RYR2: variants seen among roughly 807,000 people sequenced by gnomAD.
The protein encoded by RYR2 is ryanodine receptor 2.
Under a neutral mutation model 601.1 loss-of-function variants are expected in RYR2, and 227 were observed. That is an observed-to-expected ratio of 0.38 (90% CI 0.34 to 0.42). The LOEUF is 0.42. Ranked by LOEUF, RYR2 falls within the 10% of genes least tolerant of loss-of-function variation. The probability of loss-of-function intolerance (pLI) is 1.00; values close to 1 mark genes in which losing one functional copy is unlikely to be tolerated. For missense variants in RYR2, 4,646 were observed against 6,156.5 expected, an observed-to-expected ratio of 0.75 and a Z score of 8.21; for synonymous variants, 2,223 against 2,175.1, an observed-to-expected ratio of 1.02 and a Z score of -0.61.
chr1:237,527,605 A>G (rs1667721920), intron 24 of RYR2, among the ~76,000 whole-genome samples: 1 of 152,038 alleles, frequency 6.6e-6, no homozygotes, highest in Non-Finnish European at 1.5e-5. Flanking sequence ...TTATTCACCT[A>G]CCTGAAATAT....
intron 1 of RYR2, among the ~76,000 whole-genome samples, chr1:237,047,592 T>C (rs1379350009): frequency 6.6e-6 from 1 of 152,118 alleles, no homozygotes; most frequent in African/African-American, 2.4e-5. Flanking sequence ...CAATTTACTT[T>C]CCAGGATGTT....
chr1:237,687,707 A>C (rs1686556761), intron 63 of RYR2, among the ~76,000 whole-genome samples: 1 of 152,088 alleles, frequency 6.6e-6, no homozygotes, highest in Admixed American at 6.5e-5. Flanking sequence ...TCTTTTTTAC[A>C]CTAGTCCAAA....
At chr1:237,234,369 T>C (rs1685325051) in intron 1 of RYR2, among the ~76,000 whole-genome samples, 1 of 152,154 alleles carries the variant, frequency 6.6e-6, no homozygotes, top group African/African-American at 2.4e-5. Flanking sequence ...TAGACTGAAT[T>C]CATAATATTT....
rs186244516 is a variant in RYR2, at chr1:237,253,026, G to A, written c.49-17471G>A. Among the ~76,000 whole-genome samples, 1,479 of 151,898 alleles carry A rather than the reference G, an allele frequency of 9.7e-3. 30 individuals are homozygous for A. Among genetic ancestry groups the A allele is most frequent in the African/African-American group, 0.034 (1,412 of 41,440 alleles). ...CTAAAAATACAAAAATGAGCCGGGC[G>A]TGGTGGTACACGCCTGTAATCCCAG... On this transcript the variant is annotated intron_variant, in intron 1 of 104. Coordinates refer to ENST00000366574, the MANE Select transcript of RYR2 (RefSeq NM_001035.3).
chr1:237,666,413 A>G, intron 56 of RYR2, 99 bp from the exon 57 acceptor site: 1 of 998,372 alleles, frequency 1.0e-6, no homozygotes, highest in Non-Finnish European at 1.5e-6. Flanking sequence ...CTAAGGAAAC[A>G]CTATGTTTGG....
At chr1:237,313,752 T>G (rs61210666) in intron 2 of RYR2, among the ~76,000 whole-genome samples, 13,097 of 152,146 alleles carry the variant, frequency 0.086, 1,143 homozygotes, top group African/African-American at 0.22. Flanking sequence ...AAGACCATTA[T>G]CTCTACTTTA....
chr1:237,823,840 A>G (rs1390452695), intron 101 of RYR2, among the ~76,000 whole-genome samples: 1 of 152,160 alleles, frequency 6.6e-6, no homozygotes, highest in Non-Finnish European at 1.5e-5. Flanking sequence ...AAAATTATAA[A>G]GGGGATATCA....
At chr1:237,048,934 A>G (rs1660919726) in intron 1 of RYR2, among the ~76,000 whole-genome samples, 1 of 152,224 alleles carries the variant, frequency 6.6e-6, no homozygotes, top group African/African-American at 2.4e-5. Flanking sequence ...ACCTGCTATG[A>G]AGGAAGTAGG....
At chr1:237,057,666 A>G (rs919033913) in intron 1 of RYR2, among the ~76,000 whole-genome samples, 8 of 152,124 alleles carry the variant, frequency 5.3e-5, no homozygotes, top group African/African-American at 1.9e-4. Context: ...AAGGGGAGGA[A>G]GGGTAAAAGT....
chr1:237,282,370 C>T (rs1185763104), intron 2 of RYR2, among the ~76,000 whole-genome samples: 1 of 152,052 alleles, frequency 6.6e-6, no homozygotes, highest in Non-Finnish European at 1.5e-5. Context: ...TTCATATTTT[C>T]ATGTGCCATA....
intron 84 of RYR2, among the ~76,000 whole-genome samples, chr1:237,763,960 C>T (rs1169487499): frequency 6.6e-6 from 1 of 152,210 alleles, no homozygotes; most frequent in Non-Finnish European, 1.5e-5. Flanking sequence ...GAAAAAGCAA[C>T]ATCTGTTAGT....
chr1:237,627,686 CT>C, intron 40 of RYR2, 120 bp from the exon 41 acceptor site: 1 of 1,010,134 alleles, frequency 9.9e-7, no homozygotes, highest in Non-Finnish European at 1.4e-6. Flanking sequence ...TATCTAGAGC[CT>C]TTTCAAGCCT....
intron 1 of RYR2, among the ~76,000 whole-genome samples, chr1:237,173,415 C>T (rs1416976508): frequency 6.6e-6 from 1 of 152,200 alleles, no homozygotes; most frequent in Non-Finnish European, 1.5e-5. Flanking sequence ...AGAATAGAAT[C>T]CATCTCACTG....
chr1:237,090,802 A>C (rs1006754972), intron 1 of RYR2, among the ~76,000 whole-genome samples: 1 of 152,200 alleles, frequency 6.6e-6, no homozygotes, highest in Non-Finnish European at 1.5e-5. Flanking sequence ...AAAATTCACG[A>C]GACTCTTTTA....
chr1:237,320,415 A>T (rs2149522943), intron 2 of RYR2, among the ~76,000 whole-genome samples: 1 of 152,242 alleles, frequency 6.6e-6, no homozygotes, highest in Middle Eastern at 3.4e-3. Context: ...TTCAGAGCCA[A>T]ATTATGTGTT....
chr1:237,045,869 G>GTTTTTTT (rs768636054), intron 1 of RYR2, among the ~76,000 whole-genome samples: 4 of 56,942 alleles, frequency 7.0e-5, no homozygotes, highest in African/African-American at 3.4e-4. Flanking sequence ...CTTGGTCAAG[G>GTTTTTTT]TTTTTTTTTT....
rs200534597 is a variant in RYR2, at chr1:237,525,977, CAA to C, written c.2823-4439_2823-4438del. On this transcript the variant is annotated intron_variant, in intron 24 of 104. Coordinates refer to ENST00000366574, the MANE Select transcript of RYR2 (RefSeq NM_001035.3). ...CCTGGGTGACAAGAGCAAAACTCCT[CAA>C]AAAAAAAAAATAATAATAATAAATA... Among the ~76,000 whole-genome samples the C allele has an allele frequency of 2.5e-3, 259 of 103,556 alleles. 1 individual carries two copies. The highest frequency in any genetic ancestry group is 8.0e-3 in the African/African-American group (225 of 28,170). The allele number at this position is 103,556 out of a possible 152,430, so 67.9% of individuals were successfully genotyped here.
At chr1:237,136,117 C>A (rs1405287803) in intron 1 of RYR2, among the ~76,000 whole-genome samples, 1 of 152,224 alleles carries the variant, frequency 6.6e-6, no homozygotes, top group Non-Finnish European at 1.5e-5. Flanking sequence ...TGACAAATGA[C>A]CCTTCCAGCA....
At chr1:237,116,587 T>A (rs1008128311) in intron 1 of RYR2, among the ~76,000 whole-genome samples, 7 of 152,182 alleles carry the variant, frequency 4.6e-5, no homozygotes, top group African/African-American at 1.7e-4. Context: ...CTATTTACTA[T>A]ATTTATTTAT....
Sources: gnomAD v4.1 joint callset for allele counts (sites outside exome capture counted in the v4.1 genomes callset) on GRCh38, gnomAD v4.1.1 for gene constraint, MANE v1.5 for transcripts, NCBI Gene and HGNC (gene_info 2026-07-23, HGNC 2026-07-21) for gene names.